The following PPEF1 variants were observed in gnomAD, a reference collection of about 807,000 sequenced individuals.
PPEF1 encodes serine/threonine-protein phosphatase with EF-hands 1.
In PPEF1, 12 loss-of-function variants were observed where a neutral mutation model predicts 53.3. The observed-to-expected ratio is 0.23, with a 90% CI of 0.14 to 0.36. The LOEUF is 0.36. Ranked by LOEUF, PPEF1 falls within the 10% of genes least tolerant of loss-of-function variation. The pLI is 1.00. For missense variants in PPEF1, 334 were observed against 490.4 expected (o/e 0.68, Z 3.01); for synonymous variants, 165 against 176.7 (o/e 0.93, Z 0.52).
upstream of PPEF1, among the ~76,000 whole-genome samples, chrX:18,679,946 A>G (rs766231901): frequency 4.6e-5 from 5 of 109,889 alleles, no homozygotes; most frequent in East Asian, 2.9e-4. Flanking sequence ...AAAATTAGCC[A>G]GGTATGGTGG....
chrX:18,801,852 C>T (rs1249515622), intron 10 of PPEF1, among the ~76,000 whole-genome samples: 1 of 108,159 alleles, frequency 9.2e-6, no homozygotes, highest in Non-Finnish European at 1.9e-5. Context: ...GGTGTTGTGG[C>T]GGGCCCTTGT....
At chrX:18,805,574 G>C (rs1441424924) in intron 11 of PPEF1, among the ~76,000 whole-genome samples, 1 of 110,961 alleles carries the variant, frequency 9.0e-6, no homozygotes, top group Admixed American at 9.6e-5. Context: ...GCTGGGCACG[G>C]TGGCTCATGC....
chrX:18,704,679 G>T (rs1237403867), upstream of PPEF1, among the ~76,000 whole-genome samples: 1 of 112,030 alleles, frequency 8.9e-6, no homozygotes, highest in East Asian at 2.8e-4. Context: ...ATGCAGCACC[G>T]TGGGTTTTCT....
intron 6 of PPEF1, among the ~76,000 whole-genome samples, chrX:18,702,399 C>T (rs747942851): frequency 1.1e-4 from 12 of 107,544 alleles, no homozygotes; most frequent in Non-Finnish European, 2.1e-4. Flanking sequence ...CTAAAGCCAA[C>T]ATCTCTAGGA....
At chrX:18,788,120 T>C (rs1250620408) in intron 9 of PPEF1, among the ~76,000 whole-genome samples, 2 of 110,629 alleles carry the variant, frequency 1.8e-5, no homozygotes, top group African/African-American at 3.3e-5. Flanking sequence ...ATCAAGACCA[T>C]CCTGGCTAAC....
At chrX:18,709,820 T>C (rs1046315475) in intron 1 of PPEF1, among the ~76,000 whole-genome samples, 3 of 112,076 alleles carry the variant, frequency 2.7e-5, no homozygotes, top group African/African-American at 6.5e-5. Context: ...TTGACTGTTA[T>C]GAACAATGCT....
At chrX:18,675,958 G>GT (rs1270625915) in exon 1 of PPEF1, 2 of 61,691 alleles carry the variant, frequency 3.2e-5, no homozygotes, top group Admixed American at 1.5e-4. Flanking sequence ...CATTTGGGCG[G>GT]GGGGGGGGGG....
At chrX:18,801,281 A>G (rs1465348552) in intron 10 of PPEF1, among the ~76,000 whole-genome samples, 1 of 111,278 alleles carries the variant, frequency 9.0e-6, no homozygotes, top group Non-Finnish European at 1.9e-5. Flanking sequence ...TCTAGTTCTG[A>G]CCAGGTACTT....
chrX:18,736,375 T>G (rs2147392722), intron 3 of PPEF1, among the ~76,000 whole-genome samples: 1 of 112,354 alleles, frequency 8.9e-6, no homozygotes, highest in East Asian at 2.8e-4. Context: ...TTTCTGCATC[T>G]ATTGAGATAA....
At position 18,782,325 on chromosome X, in the gene PPEF1, G is replaced by A. The variant is rs751507790; in HGVS notation, c.726-41G>A. ...TTTTGCATGACTCATGGAAGTAGGC[G>A]TTATCAACAATCAAATCATTTAAAT... On this transcript the variant is annotated intron_variant, in intron 7 of 15. Transcript: ENST00000470157. 2.3e-5 allele frequency: 25 copies of A among 1,091,608 alleles called. No individual in the cohort carries two copies. In the South Asian group the frequency reaches 3.2e-4, roughly 14 times the overall value. 90.0% of individuals were successfully genotyped at this position (1,091,608 alleles called of 1,213,427 possible). A position where few individuals can be genotyped will look rare whatever the true frequency, so the allele number is the denominator to read the frequency against.
chrX:18,776,349 C>T (rs1421412192), intron 6 of PPEF1, among the ~76,000 whole-genome samples: 1 of 111,229 alleles, frequency 9.0e-6, no homozygotes, highest in African/African-American at 3.3e-5. Flanking sequence ...ATCCTCCCAC[C>T]TCAGCCTCCT....
chrX:18,768,979 A>C (rs1325283529), intron 6 of PPEF1, among the ~76,000 whole-genome samples: 1 of 112,498 alleles, frequency 8.9e-6, no homozygotes, highest in East Asian at 2.8e-4. Context: ...GTTTTGGAGG[A>C]TCATGAAAGA....
intron 3 of PPEF1, among the ~76,000 whole-genome samples, chrX:18,747,494 T>C (rs1397066622): frequency 8.9e-6 from 1 of 112,543 alleles, no homozygotes; most frequent in African/African-American, 3.2e-5. Flanking sequence ...TCTTTCTTTT[T>C]GAGACAGGGT....
chrX:18,795,039 G>C (rs1255917177), intron 10 of PPEF1, among the ~76,000 whole-genome samples: 1 of 112,221 alleles, frequency 8.9e-6, no homozygotes, highest in African/African-American at 3.2e-5. Context: ...GCTGGGCGTG[G>C]TGGCTCACGC....
chrX:18,810,913 A>T (rs1313040165), intron 12 of PPEF1, among the ~76,000 whole-genome samples: 1 of 112,399 alleles, frequency 8.9e-6, no homozygotes, highest in Admixed American at 9.5e-5. Flanking sequence ...GCTGGGTTAT[A>T]TGGTAACTCT....
chrX:18,680,726 C>T (rs969770760), upstream of PPEF1, among the ~76,000 whole-genome samples: 4 of 109,071 alleles, frequency 3.7e-5, no homozygotes, highest in Non-Finnish European at 7.6e-5. Context: ...ATTAACTCGT[C>T]GTTTAGCATT....
upstream of PPEF1, among the ~76,000 whole-genome samples, chrX:18,703,985 G>A (rs912034392): frequency 6.9e-5 from 7 of 102,011 alleles, no homozygotes; most frequent in Non-Finnish European, 1.4e-4. Flanking sequence ...GTGCAGTGGT[G>A]TGATCACGGC....
intron 4 of PPEF1, among the ~76,000 whole-genome samples, chrX:18,696,024 A>G (rs1929695031): frequency 8.9e-6 from 1 of 112,234 alleles, no homozygotes; most frequent in Non-Finnish European, 1.9e-5. Context: ...CTCCTAGTTA[A>G]TGTGATTTTT....
rs535015361 is a variant in PPEF1 at position 18,702,070 on chromosome X, T to C, written c.-123+1635T>C. Among the ~76,000 whole-genome samples, 41 of 112,054 alleles carry C rather than the reference T, an allele frequency of 3.7e-4. No homozygotes were observed. In the South Asian group the frequency reaches 0.015, roughly 40 times the overall value. On this transcript the variant is annotated intron_variant, in intron 6 of 21. Transcript: ENST00000361511. ...ATAAGTAATTGCTCCACTGTTCTAC[T>C]GGAAAGGTAGTGATGGAAGGGAACT...
Sources: gnomAD v4.1 joint callset for allele counts (sites outside exome capture counted in the v4.1 genomes callset) on GRCh38, gnomAD v4.1.1 for gene constraint, MANE v1.5 for transcripts, NCBI Gene and HGNC (gene_info 2026-07-23, HGNC 2026-07-21) for gene names.